PDGFRA: variants seen among roughly 807,000 people sequenced by gnomAD.
PDGFRA encodes the protein platelet derived growth factor receptor alpha.
A neutral mutation model predicts 121.5 loss-of-function variants in PDGFRA; 25 were observed. The observed-to-expected ratio is 0.21, with a 90% confidence interval of 0.15 to 0.29. The LOEUF is 0.29. Ranked by LOEUF, PDGFRA falls within the 10% of genes least tolerant of loss-of-function variation. The pLI, the probability that PDGFRA is intolerant of heterozygous loss-of-function variation, is 1.00. For synonymous variants in PDGFRA, 463 were observed against 494.8 expected (o/e 0.94, Z 0.85); for missense variants, 1,008 against 1,345.1 (o/e 0.75, Z 3.92).
intron 16 of PDGFRA, 146 bp downstream of exon 16, chr4:54,280,628 C>T: frequency 1.5e-6 from 1 of 661,956 alleles, no homozygotes; most frequent in Non-Finnish European, 2.7e-6. Flanking sequence ...ACAACCAGTT[C>T]TGTGACATGT....
At chr4:54,230,128 G>A (rs1267951363) in intron 1 of PDGFRA, among the ~76,000 whole-genome samples, 1 of 152,064 alleles carries the variant, frequency 6.6e-6, no homozygotes, top group Non-Finnish European at 1.5e-5. Flanking sequence ...GATTTGGCGC[G>A]GCGGTGAGGC....
At chr4:54,237,632 C>T (rs1721085874) in intron 1 of PDGFRA, among the ~76,000 whole-genome samples, 1 of 152,300 alleles carries the variant, frequency 6.6e-6, no homozygotes, top group African/African-American at 2.4e-5. Flanking sequence ...GGCTCTGGGG[C>T]CCACTGTGCC....
intron 16 of PDGFRA, among the ~76,000 whole-genome samples, chr4:54,284,725 G>A (rs1724233679): frequency 6.6e-6 from 1 of 151,946 alleles, no homozygotes; most frequent in Non-Finnish European, 1.5e-5. Flanking sequence ...CCTCCCACCA[G>A]GCCCCACCTC....
At chr4:54,290,210 G>T in intron 21 of PDGFRA, 103 bp from the exon 22 acceptor site, 1 of 945,454 alleles carries the variant, frequency 1.1e-6, no homozygotes, top group Non-Finnish European at 1.7e-6. Context: ...CAGGTAGTTT[G>T]GAGATATGTA....
intron 1 of PDGFRA, among the ~76,000 whole-genome samples, chr4:54,256,647 C>A (rs911859059): frequency 6.6e-6 from 1 of 151,738 alleles, no homozygotes; most frequent in African/African-American, 2.4e-5. Flanking sequence ...CTGGTTCAAG[C>A]GATTTGCCTT....
At chr4:54,271,024 GTC>G (rs1324753079) in intron 8 of PDGFRA, among the ~76,000 whole-genome samples, 5 of 152,102 alleles carry the variant, frequency 3.3e-5, no homozygotes, top group Non-Finnish European at 7.4e-5. Context: ...GCTCAGGCTG[GTC>G]TCCTGGGTTC....
At chr4:54,260,496 C>A (rs1722638884) in intron 2 of PDGFRA, among the ~76,000 whole-genome samples, 1 of 147,890 alleles carries the variant, frequency 6.8e-6, no homozygotes. Context: ...ATCCCCTGGG[C>A]TCCAGTGATC....
intron 15 of PDGFRA, among the ~76,000 whole-genome samples, chr4:54,279,536 C>A (rs941715657): frequency 1.3e-5 from 2 of 152,116 alleles, no homozygotes; most frequent in Admixed American, 1.3e-4. Context: ...TTTTACATTT[C>A]TTTTTTTCCC....
chr4:54,261,028 T>C, intron 2 of PDGFRA, 67 bp from the exon 3 acceptor site: 2 of 1,393,334 alleles, frequency 1.4e-6, no homozygotes, highest in South Asian at 2.4e-5. Flanking sequence ...CTGTTGCTTC[T>C]CTCAGTTGTC....
chr4:54,250,979 C>A (rs980753524), intron 1 of PDGFRA, among the ~76,000 whole-genome samples: 7 of 150,560 alleles, frequency 4.6e-5, no homozygotes, highest in African/African-American at 1.7e-4. Flanking sequence ...GCAGGAGAAT[C>A]ACTTGAACCT....
rs774522904 is a variant in PDGFRA, at chr4:54,295,181, T to C, written c.3179T>C (p.Ile1060Thr). 1.2e-6 allele frequency: 2 copies of C among 1,613,944 alleles called. No homozygotes were observed. The highest frequency in any genetic ancestry group is 3.3e-5 in the Admixed American group (2 of 60,018). The change falls in exon 23 of 23, where the codon ATC becomes ACC. Residue 1060 changes from isoleucine (I) to threonine (T), a missense_variant. This residue lies in a region of PDGFRA where 204 missense variants were observed against 243.0 expected (regional missense o/e 0.84). Transcript: ENST00000257290. Reference protein sequence around the residue: ...IETGSSSSTFIKREDETIEDI... With the variant: ...IETGSSSSTFTKREDETIEDI... ...ACGGGTTCCAGCAGTTCCACCTTCA[T>C]CAAGAGAGAGGACGAGACCATTGAA...
intron 1 of PDGFRA, among the ~76,000 whole-genome samples, chr4:54,255,688 G>A (rs1201091786): frequency 6.6e-6 from 1 of 151,856 alleles, no homozygotes; most frequent in Non-Finnish European, 1.5e-5. Context: ...TGTATTTTTA[G>A]TAGAGACAGG....
chr4:54,234,117 C>G (rs1034221036), intron 1 of PDGFRA, among the ~76,000 whole-genome samples: 3 of 152,344 alleles, frequency 2.0e-5, no homozygotes, highest in African/African-American at 7.2e-5. Context: ...CTTCCCGGCT[C>G]CGAAGACGTC....
At chr4:54,278,044 C>A in intron 14 of PDGFRA, 38 bp downstream of exon 14, 1 of 1,196,784 alleles carries the variant, frequency 8.4e-7, no homozygotes, top group Non-Finnish European at 1.3e-6. Context: ...TTTCACTGGA[C>A]ACATGTGGTT....
At chr4:54,244,727 T>G (rs900304035) in intron 1 of PDGFRA, among the ~76,000 whole-genome samples, 6 of 152,230 alleles carry the variant, frequency 3.9e-5, no homozygotes, top group Non-Finnish European at 5.9e-5. Flanking sequence ...AGAATGACTT[T>G]GACGAGTTGA....
At chr4:54,256,337 G>A (rs554034326) in intron 1 of PDGFRA, among the ~76,000 whole-genome samples, 1 of 152,170 alleles carries the variant, frequency 6.6e-6, no homozygotes, top group East Asian at 1.9e-4. Flanking sequence ...AGGGGTTCAA[G>A]CGATTCTCCT....
Position 54,280,463 on chromosome 4 carries a change from T to C in PDGFRA, c.2304T>C (p.Tyr768=). Residue 768 remains tyrosine, a synonymous_variant, in exon 16 of 23, where the codon TAT becomes TAC. Coordinates refer to ENST00000257290, the MANE Select transcript of PDGFRA (RefSeq NM_006206.6). The stretch of plus-strand genomic sequence containing the variant: ...CACTCTATGATCGTCCAGCCTCATA[T>C]AAGAAGAAATCTATGTTAGGTAAAA... ...QRSLYDRPAS[Y]KKKSMLDSEV... is the part of the protein sequence containing the mutation. 6.2e-7 allele frequency: 1 copy of C among 1,613,566 alleles called. No individual in the cohort carries two copies. The highest frequency in any genetic ancestry group is 1.3e-5 in the African/African-American group (1 of 75,052).
At chr4:54,240,770 C>G (rs1721255885) in intron 1 of PDGFRA, among the ~76,000 whole-genome samples, 1 of 152,160 alleles carries the variant, frequency 6.6e-6, no homozygotes, top group Non-Finnish European at 1.5e-5. Context: ...GGAGCAAATT[C>G]AAATTAGCAA....
intron 19 of PDGFRA, among the ~76,000 whole-genome samples, chr4:54,288,192 G>A (rs749211964): frequency 7.9e-5 from 12 of 152,192 alleles, no homozygotes; most frequent in Non-Finnish European, 1.8e-4. Context: ...AATAGTGTGG[G>A]AAGGCTTCAG....
Sources: gnomAD v4.1 joint callset for allele counts (sites outside exome capture counted in the v4.1 genomes callset) on GRCh38, gnomAD v4.1.1 for gene constraint, gnomAD v4.1.1 regional missense constraint, MANE v1.5 for transcripts, NCBI Gene and HGNC (gene_info 2026-07-23, HGNC 2026-07-21) for gene names.